Variants in CCDC12 observed in about 807,000 individuals in gnomAD.
The protein encoded by CCDC12 is coiled-coil domain containing 12.
A neutral mutation model predicts 25.7 loss-of-function variants in CCDC12; 28 were observed. The observed-to-expected ratio is 1.09, with a 90% CI of 0.81 to 1.50. CCDC12 has a LOEUF of 1.50. Among genes scored for constraint, CCDC12 ranks in the 40% most tolerant of loss-of-function variants. The probability of loss-of-function intolerance (pLI) is 0.00; values close to 1 mark genes in which losing one functional copy is unlikely to be tolerated. For missense variants in CCDC12, 198 were observed against 210.0 expected (o/e 0.94, Z 0.35); for synonymous variants, 75 against 87.7 (o/e 0.86, Z 0.81).
chr3:46,941,180 A>C, intron 1 of CCDC12, 115 bp from the exon 2 acceptor site: 1 of 943,886 alleles, frequency 1.1e-6, no homozygotes, highest in Non-Finnish European at 1.7e-6. Flanking sequence ...GGCAGGGCCC[A>C]GCTTGGTGTC....
chr3:46,924,369 C>T (rs1283455288), intron 3 of CCDC12, among the ~76,000 whole-genome samples: 1 of 152,198 alleles, frequency 6.6e-6, no homozygotes, highest in Non-Finnish European at 1.5e-5. Context: ...GCCTACTATC[C>T]CCCAGTGCAC....
chr3:46,965,338 C>T (rs1177351606), intron 1 of CCDC12, among the ~76,000 whole-genome samples: 1 of 152,178 alleles, frequency 6.6e-6, no homozygotes, highest in Admixed American at 6.5e-5. Flanking sequence ...GAGACTGTGG[C>T]GGAACAACTG....
chr3:46,962,719 A>G (rs1389233314), intron 1 of CCDC12, among the ~76,000 whole-genome samples: 1 of 152,208 alleles, frequency 6.6e-6, no homozygotes, highest in Non-Finnish European at 1.5e-5. Context: ...GGCTAACATG[A>G]AAAAAACTAA....
At chr3:46,976,834 C>T (rs1425502074), upstream of CCDC12, 67 of 1,517,780 alleles carry the variant, frequency 4.4e-5, no homozygotes, top group East Asian at 1.3e-3. Context: ...GAATGAGAGA[C>T]TGGGAGGTCC....
At chr3:46,951,798 A>AAAAAAATATATAT in intron 1 of CCDC12, among the ~76,000 whole-genome samples, 14 of 8,460 alleles carry the variant, frequency 1.7e-3, no homozygotes, top group African/African-American at 3.4e-3. Flanking sequence ...AAAAAAAAAA[A>AAAAAAATATATAT]ATATATATAT....
chr3:46,927,746 G>A (rs116495730), intron 2 of CCDC12, among the ~76,000 whole-genome samples: 264 of 152,326 alleles, frequency 1.7e-3, no homozygotes, highest in African/African-American at 5.9e-3. Flanking sequence ...CTGGGTCCAC[G>A]CCCTCCCCAG....
intron 1 of CCDC12, among the ~76,000 whole-genome samples, chr3:46,949,704 T>C (rs2034039065): frequency 6.6e-6 from 1 of 152,160 alleles, no homozygotes; most frequent in African/African-American, 2.4e-5. Flanking sequence ...CACCATGTGG[T>C]ACAGGGTCCC....
At position 46,934,556 on chromosome 3, in the gene CCDC12, G is replaced by C. The variant is rs541687965; in HGVS notation, c.164+6442C>G. On this transcript the variant is annotated intron_variant, in intron 2 of 6. Coordinates refer to ENST00000683445, the MANE Select transcript of CCDC12 (RefSeq NM_001277074.2). Reference sequence around the variant, plus strand: ...GAGGGGCTTTGGAAGCTGAGATCAGGACATACAAGATATCAAGACTTAATG... The same window carrying C: ...GAGGGGCTTTGGAAGCTGAGATCAGCACATACAAGATATCAAGACTTAATG... Among the ~76,000 whole-genome samples the C allele has an allele frequency of 5.6e-4, 86 of 152,282 alleles. 1 individual carries two copies. The Middle Eastern group carries it at 0.01, about 18-fold the overall frequency.
chr3:46,976,475 A>G (rs1464375319), intron 1 of CCDC12, 162 bp downstream of exon 1: 5 of 1,434,536 alleles, frequency 3.5e-6, no homozygotes, highest in Non-Finnish European at 4.6e-6. Flanking sequence ...AAGCAGCCCC[A>G]GACATCGTGG....
At chr3:46,980,988 C>T (rs953497948), upstream of CCDC12, among the ~76,000 whole-genome samples, 3 of 152,206 alleles carry the variant, frequency 2.0e-5, no homozygotes, top group African/African-American at 7.2e-5. Flanking sequence ...CCACTGTCTT[C>T]CACGGACCTG....
rs552239458 is a variant in CCDC12 at position 46,935,542 on chromosome 3, C to T, written c.164+5456G>A. Among the ~76,000 whole-genome samples the T allele has an allele frequency of 3.9e-5, 6 of 152,096 alleles. 1 individual carries two copies. In the East Asian group the frequency reaches 1.2e-3, roughly 29 times the overall value. ...AAAGCAGCTAAGCAGCTGACACTGA[C>T]ATGAACGCCCCTGAATGCCCTCTTC... On this transcript the variant is annotated intron_variant, in intron 2 of 6. Coordinates refer to ENST00000683445, the MANE Select transcript of CCDC12 (RefSeq NM_001277074.2).
intron 1 of CCDC12, among the ~76,000 whole-genome samples, chr3:46,963,689 C>T (rs1292645476): frequency 6.6e-6 from 1 of 151,620 alleles, no homozygotes; most frequent in East Asian, 1.9e-4. Flanking sequence ...AGCTCCTAAC[C>T]GCGAGTGATC....
chr3:46,941,098 T>G (rs1434664379), intron 1 of CCDC12, 33 bp from the exon 2 acceptor site: 1 of 1,607,624 alleles, frequency 6.2e-7, no homozygotes, highest in Non-Finnish European at 8.5e-7. Context: ...ACCAGCTCAG[T>G]TGAAAGCTCC....
chr3:46,958,273 C>T (rs2034359644), intron 1 of CCDC12, among the ~76,000 whole-genome samples: 1 of 152,208 alleles, frequency 6.6e-6, no homozygotes, highest in Admixed American at 6.5e-5. Flanking sequence ...ACCCCAGCAC[C>T]TGGACCCATT....
intron 1 of CCDC12, among the ~76,000 whole-genome samples, chr3:46,942,078 G>T (rs529666310): frequency 6.6e-6 from 1 of 152,344 alleles, no homozygotes; most frequent in Admixed American, 6.5e-5. Flanking sequence ...TGTTATGCTT[G>T]TTCTCAGGTG....
intron 1 of CCDC12, among the ~76,000 whole-genome samples, chr3:46,953,983 G>A (rs549855219): frequency 4.5e-4 from 69 of 152,314 alleles, no homozygotes; most frequent in African/African-American, 1.6e-3. Flanking sequence ...CTAAGCTCAC[G>A]AGGGGAGCAG....
intron 2 of CCDC12, among the ~76,000 whole-genome samples, chr3:46,933,205 G>A (rs1301047329): frequency 6.6e-6 from 1 of 152,218 alleles, no homozygotes; most frequent in Non-Finnish European, 1.5e-5. Context: ...CTCAACGGGA[G>A]CCCAGCCTCT....
Position 46,930,941 on chromosome 3 carries a change from C to A in CCDC12, c.165-5406G>T, listed in dbSNP as rs758767809. On this transcript the variant is annotated intron_variant, in intron 2 of 6. Coordinates refer to ENST00000683445, the MANE Select transcript of CCDC12 (RefSeq NM_001277074.2). ...TGTCTTTCACAGCCTGCCCTAAATGCACCAGGCAGCTCCAGGAGGGGCTCA... is the reference window on the plus strand; with the variant it reads ...TGTCTTTCACAGCCTGCCCTAAATGAACCAGGCAGCTCCAGGAGGGGCTCA... Among the ~76,000 whole-genome samples, 3 of 152,200 alleles carry A rather than the reference C, an allele frequency of 2.0e-5. No individual in the cohort carries two copies. In the South Asian group the frequency reaches 6.2e-4, roughly 31 times the overall value.
chr3:46,976,446 G>C (rs1252402783), intron 1 of CCDC12, 191 bp downstream of exon 1: 1 of 1,422,866 alleles, frequency 7.0e-7, no homozygotes, highest in East Asian at 2.5e-5. Flanking sequence ...CCGCACCAGC[G>C]CCAGAGGAGT....
Sources: allele counts gnomAD v4.1 joint callset (sites outside exome capture counted in the v4.1 genomes callset), GRCh38; gene constraint gnomAD v4.1.1; transcripts MANE v1.5; gene names NCBI Gene and HGNC (gene_info 2026-07-23, HGNC 2026-07-21).